Variants in CAMK1D observed in about 807,000 individuals in gnomAD.
CAMK1D encodes the protein calcium/calmodulin dependent protein kinase ID, also known as calcium/calmodulin-dependent protein kinase type 1D.
Under a neutral mutation model 47.7 loss-of-function variants are expected in CAMK1D, and 9 were observed. The observed-to-expected ratio is 0.19, with a 90% CI of 0.11 to 0.33. CAMK1D has a LOEUF of 0.33. Among genes scored for constraint, CAMK1D ranks in the 10% least tolerant of loss-of-function variants. The pLI, the probability that CAMK1D is intolerant of heterozygous loss-of-function variation, is 1.00. For missense variants in CAMK1D, 291 were observed against 488.7 expected (o/e 0.60, Z 3.81); for synonymous variants, 184 against 184.9 (o/e 0.99, Z 0.04).
chr10:12,477,800 T>A (rs1002316045), intron 1 of CAMK1D, among the ~76,000 whole-genome samples: 2 of 152,048 alleles, frequency 1.3e-5, no homozygotes, highest in South Asian at 2.1e-4. Context: ...TTGACAAACA[T>A]CCACCGTGTT....
At chr10:12,602,152 G>A (rs1412700452) in intron 2 of CAMK1D, among the ~76,000 whole-genome samples, 1 of 152,246 alleles carries the variant, frequency 6.6e-6, no homozygotes, top group Non-Finnish European at 1.5e-5. Context: ...CTGAGGCAAA[G>A]TTTGATTACA....
intron 1 of CAMK1D, among the ~76,000 whole-genome samples, chr10:12,491,566 G>C (rs1536533): frequency 9.2e-5 from 14 of 152,114 alleles, no homozygotes; most frequent in African/African-American, 3.1e-4. Flanking sequence ...GTCAGCCCTA[G>C]GTGTCCTGTT....
chr10:12,531,485 T>G (rs921192470), intron 1 of CAMK1D, among the ~76,000 whole-genome samples: 3 of 152,184 alleles, frequency 2.0e-5, no homozygotes, highest in East Asian at 1.9e-4. Context: ...GTGAACAAAG[T>G]CCAATTATTT....
intron 1 of CAMK1D, among the ~76,000 whole-genome samples, chr10:12,523,156 C>T (rs1247824052): frequency 2.6e-5 from 4 of 151,484 alleles, no homozygotes; most frequent in African/African-American, 9.7e-5. Flanking sequence ...GGGGTCGCGG[C>T]TGGGCAGAGG....
chr10:12,761,366 C>T (rs1047918269), intron 4 of CAMK1D, among the ~76,000 whole-genome samples: 1 of 152,118 alleles, frequency 6.6e-6, no homozygotes, highest in African/African-American at 2.4e-5. Flanking sequence ...TATATTGCTT[C>T]GAGCCTATCT....
At chr10:12,487,782 T>C (rs893973270) in intron 1 of CAMK1D, among the ~76,000 whole-genome samples, 1 of 152,244 alleles carries the variant, frequency 6.6e-6, no homozygotes, top group African/African-American at 2.4e-5. Context: ...GTTGGTTCTC[T>C]GTAGACCCTG....
intron 2 of CAMK1D, among the ~76,000 whole-genome samples, chr10:12,663,387 A>G (rs1356228074): frequency 6.6e-6 from 1 of 152,196 alleles, no homozygotes; most frequent in East Asian, 1.9e-4. Context: ...TATAAACCGT[A>G]TTGTAGGAAG....
chr10:12,786,622 A>T (rs1468387107), intron 5 of CAMK1D, among the ~76,000 whole-genome samples: 2 of 152,212 alleles, frequency 1.3e-5, no homozygotes, highest in Admixed American at 6.5e-5. Flanking sequence ...GCAATGGTGC[A>T]GTCATAGCTC....
At chr10:12,589,894 C>T (rs1165528467) in intron 2 of CAMK1D, among the ~76,000 whole-genome samples, 1 of 152,154 alleles carries the variant, frequency 6.6e-6, no homozygotes, top group Non-Finnish European at 1.5e-5. Flanking sequence ...ATAAACCCTC[C>T]TTTTAAATGC....
intron 3 of CAMK1D, among the ~76,000 whole-genome samples, chr10:12,700,334 G>A (rs373853008): frequency 5.3e-5 from 8 of 152,270 alleles, no homozygotes; most frequent in South Asian, 2.1e-4. Context: ...TCTTCTTCAC[G>A]TGGTGGGAGG....
At chr10:12,475,971 T>A (rs777619088) in intron 1 of CAMK1D, among the ~76,000 whole-genome samples, 2 of 151,806 alleles carry the variant, frequency 1.3e-5, no homozygotes. Context: ...AATTCATCAG[T>A]TTGCACTAAA....
chr10:12,635,926 A>G (rs1040707525), intron 2 of CAMK1D, among the ~76,000 whole-genome samples: 5 of 152,252 alleles, frequency 3.3e-5, no homozygotes, highest in African/African-American at 1.2e-4. Context: ...GGCTTGCAAG[A>G]AAACTATCCT....
chr10:12,734,367 TATATATATATAG>T (rs1355502373), intron 3 of CAMK1D, among the ~76,000 whole-genome samples: 50 of 7,010 alleles, frequency 7.1e-3, no homozygotes, highest in African/African-American at 0.016. Context: ...TATATATATA[TATATATATATAG>T]ATATAGATAT....
At chr10:12,360,462 C>A (rs766456809) in intron 1 of CAMK1D, among the ~76,000 whole-genome samples, 2 of 152,086 alleles carry the variant, frequency 1.3e-5, no homozygotes, top group Non-Finnish European at 2.9e-5. Context: ...CGTCCCCTGC[C>A]CCCAAATATC....
chr10:12,789,557 T>C (rs1050949229), intron 5 of CAMK1D, among the ~76,000 whole-genome samples: 12 of 152,232 alleles, frequency 7.9e-5, no homozygotes, highest in African/African-American at 2.7e-4. Flanking sequence ...AAAACATTTA[T>C]GAATGACTCA....
intron 1 of CAMK1D, among the ~76,000 whole-genome samples, chr10:12,520,294 G>A (rs1835365322): frequency 1.1e-5 from 1 of 89,142 alleles, no homozygotes; most frequent in Admixed American, 1.1e-4. Context: ...TCCTAGACAG[G>A]GCGGCGGGGC....
chr10:12,483,456 G>A (rs1021160438), intron 1 of CAMK1D, among the ~76,000 whole-genome samples: 11 of 151,966 alleles, frequency 7.2e-5, no homozygotes, highest in African/African-American at 1.9e-4. Context: ...CCGCCTTTGC[G>A]TCCCAAAGTG....
intron 5 of CAMK1D, among the ~76,000 whole-genome samples, chr10:12,785,503 A>G (rs1588924737): frequency 6.6e-6 from 1 of 152,172 alleles, no homozygotes; most frequent in African/African-American, 2.4e-5. Flanking sequence ...CTCCTTGACT[A>G]GGAAGCTCTC....
At chr10:12,546,726 C>T (rs574333124) in intron 1 of CAMK1D, among the ~76,000 whole-genome samples, 13 of 150,864 alleles carry the variant, frequency 8.6e-5, no homozygotes, top group East Asian at 2.0e-4. Context: ...AACCAAACAC[C>T]GCATGTTCTC....
Sources: allele counts gnomAD v4.1 joint callset (sites outside exome capture counted in the v4.1 genomes callset), GRCh38; gene constraint gnomAD v4.1.1; transcripts MANE v1.5; gene names NCBI Gene and HGNC (gene_info 2026-07-23, HGNC 2026-07-21).